PRRC2B: variants seen among roughly 807,000 people sequenced by gnomAD.
PRRC2B encodes the protein protein PRRC2B.
PRRC2B carries 68 observed loss-of-function variants against 242.3 expected under a neutral mutation model. The ratio of observed to expected loss-of-function variants is 0.28; its 90% CI spans 0.23 to 0.34. The LOEUF is 0.34. Ranked by LOEUF, PRRC2B falls within the 10% of genes least tolerant of loss-of-function variation. PRRC2B has a pLI of 1.00. For synonymous variants in PRRC2B, 1,228 were observed against 1,173.6 expected (o/e 1.05, Z -0.95); for missense variants, 2,835 against 2,954.8 (o/e 0.96, Z 0.94).
intron 9 of PRRC2B, among the ~76,000 whole-genome samples, chr9:131,450,996 C>A (rs1228381724): frequency 6.6e-6 from 1 of 152,180 alleles, no homozygotes; most frequent in Non-Finnish European, 1.5e-5. Flanking sequence ...TCCTGAATGT[C>A]TTTTGTTAAA....
intron 1 of PRRC2B, among the ~76,000 whole-genome samples, chr9:131,427,008 C>T (rs1422750629): frequency 6.6e-6 from 1 of 152,206 alleles, no homozygotes; most frequent in African/African-American, 2.4e-5. Context: ...AGGAGAATTT[C>T]CTTGAAGAAG....
chr9:131,402,835 C>A (rs1213861137), intron 1 of PRRC2B, among the ~76,000 whole-genome samples: 1 of 152,198 alleles, frequency 6.6e-6, no homozygotes, highest in Non-Finnish European at 1.5e-5. Flanking sequence ...GGTCAGCCTG[C>A]TTTCCAGAGA....
At chr9:131,445,578 C>G (rs143717671) in intron 6 of PRRC2B, among the ~76,000 whole-genome samples, 182 of 152,310 alleles carry the variant, frequency 1.2e-3, no homozygotes, top group African/African-American at 4.3e-3. Context: ...GTTTAATCTC[C>G]TCATTGGAGA....
At chr9:131,495,142 G>T (rs530698277) in intron 31 of PRRC2B, among the ~76,000 whole-genome samples, 84 of 152,016 alleles carry the variant, frequency 5.5e-4, no homozygotes, top group Non-Finnish European at 9.6e-4. Context: ...CAGACCTGGT[G>T]GGGGGCAGAT....
rs144820936 is a variant in PRRC2B, at chr9:131,488,145, C to T, written c.6225+49C>T. ...CAAAGCCCTAGGCTTCTTTCCTTCA[C>T]GACCTTGCCTTTTCTTTTCACCCGC... On this transcript the variant is annotated intron_variant, in intron 28 of 31. Coordinates refer to ENST00000683519, the MANE Select transcript of PRRC2B (RefSeq NM_013318.4). The T allele has an allele frequency of 3.7e-4, 583 of 1,565,072 alleles. 4 individuals carry two copies. The African/African-American group carries it at 6.9e-3, about 19-fold the overall frequency.
intron 31 of PRRC2B, 47 bp from the exon 32 acceptor site, chr9:131,495,693 G>GT: frequency 1.9e-6 from 3 of 1,583,316 alleles, no homozygotes; most frequent in East Asian, 4.5e-5. Flanking sequence ...ATCCAAACAC[G>GT]TTTCAGCGTC....
At chr9:131,451,322 T>C (rs1251630162) in intron 9 of PRRC2B, among the ~76,000 whole-genome samples, 1 of 151,956 alleles carries the variant, frequency 6.6e-6, no homozygotes, top group Non-Finnish European at 1.5e-5. Flanking sequence ...TTGCTTGAAC[T>C]CGGGAGGCGG....
intron 1 of PRRC2B, among the ~76,000 whole-genome samples, chr9:131,396,514 C>T (rs1455940342): frequency 6.6e-6 from 1 of 151,972 alleles, no homozygotes; most frequent in Non-Finnish European, 1.5e-5. Context: ...TTAGTAGAGA[C>T]AGGGTTTCAC....
chr9:131,430,983 T>C (rs1264146606), intron 2 of PRRC2B, among the ~76,000 whole-genome samples: 3 of 150,536 alleles, frequency 2.0e-5, no homozygotes, highest in African/African-American at 7.3e-5. Flanking sequence ...ACAGTTTCGC[T>C]CTTATTGCCC....
intron 1 of PRRC2B, among the ~76,000 whole-genome samples, chr9:131,396,201 G>T (rs1837050387): frequency 6.6e-6 from 1 of 152,076 alleles, no homozygotes; most frequent in South Asian, 2.1e-4. Context: ...AAATGTATGT[G>T]TTTGTTGATT....
intron 3 of PRRC2B, among the ~76,000 whole-genome samples, chr9:131,434,740 G>T (rs1440362314): frequency 1.3e-5 from 2 of 152,148 alleles, no homozygotes; most frequent in Non-Finnish European, 2.9e-5. Context: ...CACCAGGGGG[G>T]TGGCTGCCCT....
In PRRC2B at chr9:131,430,533, A is replaced by T. The variant is rs1455058257; in HGVS notation, c.115+274A>T. On this transcript the variant is annotated intron_variant, in intron 2 of 31. Transcript: ENST00000683519. ...TCTATAGATAGATAGATAGATATCT[A>T]TCTATAGATATCTATAGGTGTGTGT... Among the ~76,000 whole-genome samples the T allele has an allele frequency of 4.2e-5, 6 of 144,522 alleles. No individual in the cohort carries two copies. The East Asian group carries it at 1.2e-3, about 30-fold the overall frequency. The allele number at this position is 144,522 out of a possible 152,430, so 94.8% of individuals were successfully genotyped here. A position where few individuals can be genotyped will look rare whatever the true frequency, so the allele number is the denominator to read the frequency against.
intron 9 of PRRC2B, among the ~76,000 whole-genome samples, chr9:131,452,755 A>G (rs1439607719): frequency 6.6e-6 from 1 of 152,228 alleles, no homozygotes; most frequent in East Asian, 1.9e-4. Context: ...GGACATTTCT[A>G]GATTGCTAAT....
chr9:131,418,495 G>A (rs1240919046), intron 1 of PRRC2B, among the ~76,000 whole-genome samples: 1 of 152,174 alleles, frequency 6.6e-6, no homozygotes, highest in Admixed American at 6.5e-5. Context: ...GAGGACATAG[G>A]GTTTAGGAAG....
intron 1 of PRRC2B, among the ~76,000 whole-genome samples, chr9:131,412,979 C>T (rs1837544287): frequency 6.6e-6 from 1 of 152,034 alleles, no homozygotes; most frequent in South Asian, 2.1e-4. Flanking sequence ...AGATTTTCCT[C>T]TTCATCTAAT....
chr9:131,389,464 T>G (rs901623668), upstream of PRRC2B, among the ~76,000 whole-genome samples: 2 of 150,608 alleles, frequency 1.3e-5, no homozygotes, highest in Non-Finnish European at 3.0e-5. Flanking sequence ...GCTGGGCAAG[T>G]CACTGAACTT....
rs537385898 is a variant in PRRC2B at position 131,423,308 on chromosome 9, G to T, written c.-51-6786G>T. ...GGAGAGCTGTTCTCTTGCCTCAGCC[G>T]GCTTCCTGCTTCACACTTGGATGCT... On this transcript the variant is annotated intron_variant, in intron 1 of 31. Coordinates refer to ENST00000683519, the MANE Select transcript of PRRC2B (RefSeq NM_013318.4). Among the ~76,000 whole-genome samples, 9 of 152,290 alleles carry T rather than the reference G, an allele frequency of 5.9e-5. No individual in the cohort carries two copies. The East Asian group carries it at 1.7e-3, about 29-fold the overall frequency.
At position 131,487,144 on chromosome 9, in the gene PRRC2B, C is replaced by T. The variant is rs371738963; in HGVS notation, c.5857-23C>T. ...TGGATGGGCCTTGCGGTTACCTCCC[C>T]GACCCCGTTTTCCCGTTCACAGGCC... is the stretch of plus-strand genomic sequence containing the variant. On this transcript the variant is annotated intron_variant, in intron 26 of 31. Coordinates refer to ENST00000683519, the MANE Select transcript of PRRC2B (RefSeq NM_013318.4). The surrounding 1 kb of genome is among the most constrained non-coding windows in gnomAD (Gnocchi z 5.3). 158 of 1,611,312 alleles carry T rather than the reference C, an allele frequency of 9.8e-5. No individual in the cohort carries two copies. The highest frequency in any genetic ancestry group is 1.2e-4 in the Non-Finnish European group (147 of 1,179,008).
At position 131,478,592 on chromosome 9, in the gene PRRC2B, G is replaced by A; in HGVS notation, c.4731G>A (p.Glu1577=). ...AGCAGCGCCGCCTGCTGGAGGAAGA[G>A]AGAAGAAAGAAGGAGCAGGCCGTGC... ...TKKQRRLLEE[E]RRKKEQAVQV... is the part of the protein sequence containing the mutation. The change falls in exon 18 of 32, where the codon GAG becomes GAA. Residue 1577 remains glutamate (E), a synonymous_variant. Coordinates refer to ENST00000683519, the MANE Select transcript of PRRC2B (RefSeq NM_013318.4). 7.3e-7 allele frequency: 1 copy of A among 1,376,268 alleles called. No individual in the cohort carries two copies. Among genetic ancestry groups the A allele is most frequent in the Non-Finnish European group, 9.7e-7 (1 of 1,028,244 alleles). 85.3% of individuals were successfully genotyped at this position (1,376,268 alleles called of 1,614,324 possible).
Sources: allele counts gnomAD v4.1 joint callset (sites outside exome capture counted in the v4.1 genomes callset), GRCh38; gene constraint gnomAD v4.1.1; non-coding constraint Gnocchi (gnomAD v3.1); transcripts MANE v1.5; gene names NCBI Gene and HGNC (gene_info 2026-07-23, HGNC 2026-07-21).